Variants in BBIP1 observed in about 807,000 individuals in gnomAD.
BBIP1 encodes BBSome-interacting protein 1.
Under a neutral mutation model 8.9 loss-of-function variants are expected in BBIP1, and 6 were observed. That is an observed-to-expected ratio of 0.67 (90% CI 0.37 to 1.33). BBIP1 has a LOEUF of 1.33. Ranked by LOEUF, BBIP1 falls within the 40% of genes most tolerant of loss-of-function variation. The pLI is 0.02. For missense variants in BBIP1, 111 were observed against 109.2 expected (o/e 1.02, Z -0.07); for synonymous variants, 32 against 33.4 (o/e 0.96, Z 0.14).
chr10:110,907,856 A>C (rs1253906365), intron 2 of BBIP1: 2 of 677,464 alleles, frequency 3.0e-6, no homozygotes, highest in Non-Finnish European at 2.7e-6. Context: ...AAAAAAGTTA[A>C]ATTTTCTTTT....
intron 2 of BBIP1, among the ~76,000 whole-genome samples, chr10:110,917,355 G>A (rs549449315): frequency 1.3e-5 from 2 of 151,874 alleles, no homozygotes; most frequent in Non-Finnish European, 2.9e-5. Flanking sequence ...AAAATTCTTA[G>A]GAAATTCATG....
At position 110,900,432 on chromosome 10, in the gene BBIP1, C is replaced by G; in HGVS notation, c.207G>C (p.Met69Ile). ...KSLTLEKLEK[M>I]HQAAQNTIRQ... is the part of the protein sequence containing the mutation. ...GAATTGTATTCTGTGCTGCTTGATG[C>G]ATTTTCTCTAGTTTTTCCAGAGTCA... Residue 69 changes from methionine to isoleucine, a missense_variant, in exon 4 of 4, where the codon ATG (methionine) becomes ATC (isoleucine). Physicochemically the swap from Met to Ile is conservative, Grantham distance 10. Coordinates refer to ENST00000448814, the MANE Select transcript of BBIP1 (RefSeq NM_001195305.3). 6.5e-7 allele frequency: 1 copy of G among 1,535,870 alleles called. No homozygotes were observed. Among genetic ancestry groups the G allele is most frequent in the East Asian group, 2.4e-5 (1 of 40,858 alleles).
At chr10:110,909,958 A>G (rs1240900979) in intron 2 of BBIP1, among the ~76,000 whole-genome samples, 1 of 152,250 alleles carries the variant, frequency 6.6e-6, no homozygotes, top group Non-Finnish European at 1.5e-5. Context: ...CAGAGTAGGT[A>G]AAAACCAGTT....
chr10:110,906,562 C>A (rs981624018), intron 2 of BBIP1: 9 of 77,270 alleles, frequency 1.2e-4, no homozygotes, highest in East Asian at 5.3e-4. Flanking sequence ...CAATTCTATT[C>A]TTCTTCCTTT....
chr10:110,907,011 C>T (rs1165728774), intron 2 of BBIP1: 1 of 152,246 alleles, frequency 6.6e-6, no homozygotes, highest in Non-Finnish European at 1.5e-5. Flanking sequence ...TTAGGTATTC[C>T]TTCAGTATTG....
intron 3 of BBIP1, 122 bp downstream of exon 3, chr10:110,901,416 A>G (rs1056129785): frequency 1.4e-6 from 1 of 694,658 alleles, no homozygotes; most frequent in African/African-American, 1.8e-5. Flanking sequence ...AAAGACAGTA[A>G]ATGAGATAAT....
At chr10:110,907,541 G>GA (rs1846175511) in intron 2 of BBIP1, 3 of 460,182 alleles carry the variant, frequency 6.5e-6, no homozygotes, top group Non-Finnish European at 1.1e-5. Context: ...GAAAAGAAAA[G>GA]AAAGAAAAAT....
At chr10:110,905,725 T>C (rs1045496307) in intron 2 of BBIP1, among the ~76,000 whole-genome samples, 1 of 152,220 alleles carries the variant, frequency 6.6e-6, no homozygotes, top group Non-Finnish European at 1.5e-5. Flanking sequence ...CCCAAAGAGA[T>C]TTTGGAAAAC....
At chr10:110,915,541 A>G (rs534967556) in intron 2 of BBIP1, among the ~76,000 whole-genome samples, 125 of 152,270 alleles carry the variant, frequency 8.2e-4, no homozygotes, top group Middle Eastern at 3.4e-3. Flanking sequence ...ATCAATGTCA[A>G]TATGTGCCTG....
intron 2 of BBIP1, chr10:110,903,328 C>A (rs1403643555): frequency 6.6e-6 from 1 of 152,264 alleles, no homozygotes; most frequent in African/African-American, 2.4e-5. Flanking sequence ...TGGTGCTCTA[C>A]CAAACCTCAG....
intron 2 of BBIP1, chr10:110,908,093 A>G (rs41292606): frequency 0.043 from 9,594 of 225,584 alleles, 264 homozygotes; most frequent in East Asian, 0.061. Flanking sequence ...TTTAAGGAAA[A>G]TACCAGTATT....
At chr10:110,916,783 T>C (rs908616990) in intron 2 of BBIP1, among the ~76,000 whole-genome samples, 2 of 152,178 alleles carry the variant, frequency 1.3e-5, no homozygotes, top group African/African-American at 2.4e-5. Context: ...ATAGGCAAAG[T>C]AGCAGCAACA....
intron 3 of BBIP1, chr10:110,901,078 C>T (rs755234775): frequency 4.5e-6 from 2 of 445,590 alleles, no homozygotes; most frequent in South Asian, 3.2e-5. Context: ...TTGTTTGAGC[C>T]CAGGGGTTTG....
At chr10:110,902,335 C>CA (rs1325569520) in intron 2 of BBIP1, 1 of 152,602 alleles carries the variant, frequency 6.6e-6, no homozygotes, top group African/African-American at 2.4e-5. Context: ...CCAAGTATTA[C>CA]AGTCAAGATT....
chr10:110,909,808 A>G (rs528567094), intron 2 of BBIP1, among the ~76,000 whole-genome samples: 1 of 152,352 alleles, frequency 6.6e-6, no homozygotes, highest in East Asian at 1.9e-4. Context: ...CAACAAAAGC[A>G]TTACTCTTTC....
In BBIP1 at chr10:110,900,399, T is replaced by C; in HGVS notation, c.240A>G (p.Gln80=). 6.5e-7 allele frequency: 1 copy of C among 1,535,658 alleles called. No individual in the cohort carries two copies. Among genetic ancestry groups the C allele is most frequent in the Non-Finnish European group, 8.7e-7 (1 of 1,146,840 alleles). The change falls in exon 4 of 4, where the codon CAA becomes CAG. Residue 80 remains glutamine, a synonymous_variant. Coordinates refer to ENST00000448814, the MANE Select transcript of BBIP1 (RefSeq NM_001195305.3). Reference sequence around the variant, plus strand: ...GCCGTTGATCCTTTTCTGCCATTTCTTGTTGGCGAATTGTATTCTGTGCTG... The same window carrying C: ...GCCGTTGATCCTTTTCTGCCATTTCCTGTTGGCGAATTGTATTCTGTGCTG... ...HQAAQNTIRQ[Q]EMAEKDQRQI... is the part of the protein sequence containing the mutation.
intron 2 of BBIP1, among the ~76,000 whole-genome samples, chr10:110,916,712 T>A (rs933139905): frequency 7.9e-5 from 12 of 152,192 alleles, no homozygotes; most frequent in African/African-American, 2.7e-4. Flanking sequence ...GAGTTGACAC[T>A]CATAAACTAT....
At chr10:110,906,283 G>A (rs1846134207) in intron 2 of BBIP1, among the ~76,000 whole-genome samples, 2 of 152,218 alleles carry the variant, frequency 1.3e-5, no homozygotes, top group Admixed American at 6.5e-5. Flanking sequence ...TGGGATTACA[G>A]AGGTGAGCCA....
At position 110,907,904 on chromosome 10, in the gene BBIP1, G is replaced by A; in HGVS notation, c.38-6292C>T. 4.9e-6 allele frequency: 3 copies of A among 613,426 alleles called. No individual in the cohort carries two copies. The South Asian group carries it at 5.9e-5, about 12-fold the overall frequency. 38.0% of individuals were successfully genotyped at this position (613,426 alleles called of 1,614,324 possible). The stretch of plus-strand genomic sequence containing the variant: ...TGTTTAGAAACTTTAATATGCTAAA[G>A]TATGTGATACATTTCAAACAGGGGA... On this transcript the variant is annotated intron_variant, in intron 2 of 3. Coordinates refer to ENST00000448814, the MANE Select transcript of BBIP1 (RefSeq NM_001195305.3).
Sources: gnomAD v4.1 joint callset for allele counts (sites outside exome capture counted in the v4.1 genomes callset) on GRCh38, gnomAD v4.1.1 for gene constraint, MANE v1.5 for transcripts, NCBI Gene and HGNC (gene_info 2026-07-23, HGNC 2026-07-21) for gene names.